Variants in NAV1 observed in about 807,000 individuals in gnomAD.
NAV1 encodes the protein pore membrane and/or filament interacting like protein 3.
In NAV1, 18 loss-of-function variants were observed where a neutral mutation model predicts 175.2. The observed-to-expected ratio is 0.10, with a 90% CI of 0.07 to 0.15. The LOEUF is 0.15. NAV1 is among the 10% of genes least tolerant of loss of function. The pLI, the probability that NAV1 is intolerant of heterozygous loss-of-function variation, is 1.00. For missense variants in NAV1, 1,731 were observed against 2,436.6 expected (o/e 0.71, Z 6.10); for synonymous variants, 897 against 978.7 (o/e 0.92, Z 1.56).
At chr1:201,577,468 T>C (rs1268920235) in intron 1 of NAV1, among the ~76,000 whole-genome samples, 1 of 149,614 alleles carries the variant, frequency 6.7e-6, no homozygotes, top group East Asian at 2.0e-4. Flanking sequence ...GGCCTGAGAC[T>C]TAGATTTTTT....
At chr1:201,762,182 C>A (rs1374180891) in intron 3 of NAV1, among the ~76,000 whole-genome samples, 3 of 152,028 alleles carry the variant, frequency 2.0e-5, no homozygotes, top group African/African-American at 4.8e-5. Context: ...AAACAAAAAA[C>A]CCAAAAAACT....
exon 30 of NAV1, chr1:201,824,904 T>A (rs1280859966): frequency 6.6e-6 from 1 of 152,206 alleles, no homozygotes; most frequent in Non-Finnish European, 1.5e-5. Flanking sequence ...CACGTTTTAA[T>A]AAGCCCTCCT....
chr1:201,706,485 G>A (rs1406316612), intron 1 of NAV1, among the ~76,000 whole-genome samples: 1 of 152,148 alleles, frequency 6.6e-6, no homozygotes, highest in African/African-American at 2.4e-5. Flanking sequence ...AAGAGTGATA[G>A]CTACCATGCC....
At chr1:201,574,688 T>C (rs1197215985) in intron 1 of NAV1, among the ~76,000 whole-genome samples, 2 of 152,232 alleles carry the variant, frequency 1.3e-5, no homozygotes, top group African/African-American at 4.8e-5. Flanking sequence ...ACAAGAAGCC[T>C]GCTCAGATCA....
At position 201,649,521 on chromosome 1, in the gene NAV1, C is replaced by A. The variant is rs1350301733; in HGVS notation, c.757+96C>A. On this transcript the variant is annotated intron_variant, in intron 1 of 29. Transcript: ENST00000367296. The stretch of plus-strand genomic sequence containing the variant: ...AAAGCGAAGCCCCCTCCCCTTGCGC[C>A]TTCCCGGAGGGCCCTCCTGTTCACG... 9 of 1,432,380 alleles carry A rather than the reference C, an allele frequency of 6.3e-6. No homozygotes were observed. The East Asian group carries it at 1.8e-4, about 28-fold the overall frequency. 88.7% of individuals were successfully genotyped at this position (1,432,380 alleles called of 1,614,324 possible).
intron 1 of NAV1, among the ~76,000 whole-genome samples, chr1:201,698,858 G>T (rs368581871): frequency 2.9e-4 from 44 of 152,336 alleles, no homozygotes; most frequent in African/African-American, 1.0e-3. Context: ...CTTTGCTACT[G>T]GTTCTCTTCT....
chr1:201,622,779 CCT>C, upstream of NAV1: 6 of 975,188 alleles, frequency 6.2e-6, no homozygotes, highest in Non-Finnish European at 7.3e-6. Context: ...ACCCCAACAT[CCT>C]CTTTCTACAC....
intron 1 of NAV1, among the ~76,000 whole-genome samples, chr1:201,670,380 CAAAAAAAAAAAAA>C (rs58216500): frequency 5.7e-4 from 7 of 12,188 alleles, no homozygotes; most frequent in South Asian, 8.2e-3. Flanking sequence ...GACTCCATCT[CAAAAAAAAAAAAA>C]AAAAAAAAAA....
In NAV1 at chr1:201,787,862, C is replaced by T; in HGVS notation, c.2996-606C>T. 1 of 364,108 alleles carries T rather than the reference C, an allele frequency of 2.7e-6. No individual in the cohort carries two copies. The highest frequency in any genetic ancestry group is 5.5e-6 in the Non-Finnish European group (1 of 183,152). The allele number at this position is 364,108 out of a possible 1,614,324, so 22.6% of individuals were successfully genotyped here. ...TGACACTTTCACCTGCTCTGTCCATCTGACCTTCAAGCCGGGGCAATGCTA... is the reference window on the plus strand; with the variant it reads ...TGACACTTTCACCTGCTCTGTCCATTTGACCTTCAAGCCGGGGCAATGCTA... On this transcript the variant is annotated intron_variant, in intron 9 of 29. Transcript: ENST00000367296. The surrounding 1 kb of genome is among the most constrained non-coding windows in gnomAD (Gnocchi z 4.3).
chr1:201,709,914 G>A (rs1163701767), intron 1 of NAV1, among the ~76,000 whole-genome samples: 4 of 152,034 alleles, frequency 2.6e-5, no homozygotes, highest in Non-Finnish European at 4.4e-5. Context: ...AGACACAGCA[G>A]GATTAAGTGA....
chr1:201,770,488 T>G (rs932976996), intron 3 of NAV1, among the ~76,000 whole-genome samples: 1 of 151,904 alleles, frequency 6.6e-6, no homozygotes, highest in Admixed American at 6.5e-5. Context: ...ACACTATCAC[T>G]CTCATCTTAA....
chr1:201,576,998 T>G (rs1666709662), intron 1 of NAV1, among the ~76,000 whole-genome samples: 1 of 152,234 alleles, frequency 6.6e-6, no homozygotes, highest in Non-Finnish European at 1.5e-5. Context: ...AGTTTTGTTT[T>G]GTTTTGTTTT....
chr1:201,709,417 G>A (rs1408862067), intron 1 of NAV1, among the ~76,000 whole-genome samples: 1 of 152,200 alleles, frequency 6.6e-6, no homozygotes, highest in African/African-American at 2.4e-5. Context: ...TCAGGGTCAT[G>A]GGTGTGAATG....
intron 1 of NAV1, among the ~76,000 whole-genome samples, chr1:201,545,376 AATTTATTTATTTTT>A (rs1323578613): frequency 6.6e-6 from 1 of 151,050 alleles, no homozygotes; most frequent in Non-Finnish European, 1.5e-5. Context: ...TTTTTTAATT[AATTTATTTATTTTT>A]ATTTATTTAT....
chr1:201,561,094 C>T (rs1406842172), intron 1 of NAV1, among the ~76,000 whole-genome samples: 1 of 152,166 alleles, frequency 6.6e-6, no homozygotes, highest in Non-Finnish European at 1.5e-5. Flanking sequence ...CCCCAAGAAG[C>T]CCCTGCCTTG....
Position 201,543,528 on chromosome 1 carries a change from A to AT in NAV1, c.-144+4195dup, listed in dbSNP as rs921911680. On this transcript the variant is annotated intron_variant, in intron 1 of 33. Transcript: ENST00000685211. ...TTTTTTTTTTTATCTGCAAAGTTTC[A>AT]TTTTTTTTTCCCCTGTAAAAAGACA... is the stretch of plus-strand genomic sequence containing the variant. 9.2e-4 allele frequency among the ~76,000 whole-genome samples: 135 copies of AT among 146,716 alleles called. No homozygotes were observed. The East Asian group carries it at 0.017, about 18-fold the overall frequency.
intron 2 of NAV1, among the ~76,000 whole-genome samples, chr1:201,606,890 C>T (rs1667696631): frequency 6.6e-6 from 1 of 152,168 alleles, no homozygotes; most frequent in African/African-American, 2.4e-5. Context: ...GGACAAACAA[C>T]TCGGTTAATC....
At chr1:201,693,709 G>A (rs891279747) in intron 1 of NAV1, among the ~76,000 whole-genome samples, 2 of 152,258 alleles carry the variant, frequency 1.3e-5, no homozygotes, top group South Asian at 4.1e-4. Context: ...CTTTTAGATG[G>A]AAGCCGTAGG....
chr1:201,634,062 A>C (rs149252054), intron 2 of NAV1, among the ~76,000 whole-genome samples: 81 of 152,288 alleles, frequency 5.3e-4, no homozygotes, highest in African/African-American at 1.9e-3. Context: ...TGAGGTTTGG[A>C]ATCTAACTCC....
Sources: allele counts gnomAD v4.1 joint callset (sites outside exome capture counted in the v4.1 genomes callset), GRCh38; gene constraint gnomAD v4.1.1; non-coding constraint Gnocchi (gnomAD v3.1); transcripts MANE v1.5; gene names NCBI Gene and HGNC (gene_info 2026-07-23, HGNC 2026-07-21).